MUC4: variants seen among roughly 807,000 people sequenced by gnomAD.
MUC4 encodes the protein mucin 4, cell surface associated, also known as mucin-4.
In MUC4, 202 loss-of-function variants were observed where a neutral mutation model predicts 257.9. The ratio of observed to expected loss-of-function variants is 0.78; its 90% CI spans 0.70 to 0.88. The LOEUF (loss-of-function observed/expected upper bound fraction) is 0.88, where lower values mean the gene tolerates loss of function less well. Among genes scored for constraint, MUC4 ranks in the 40% least tolerant of loss-of-function variants. The pLI, the probability that MUC4 is intolerant of heterozygous loss-of-function variation, is 0.00. For missense variants in MUC4, 5,976 were observed against 6,513.7 expected, an observed-to-expected ratio of 0.92 and a Z score of 2.84; for synonymous variants, 2,351 against 2,757.1, an observed-to-expected ratio of 0.85 and a Z score of 4.62.
Position 195,788,719 on chromosome 3 carries a change from G to T in MUC4, c.2861C>A (p.Thr954Asn), listed in dbSNP as rs376491086. 3.1e-6 allele frequency: 5 copies of T among 1,611,428 alleles called. No individual in the cohort carries two copies. The highest frequency in any genetic ancestry group is 3.3e-4 in the Middle Eastern group (2 of 6,074). The change falls in exon 2 of 25, where the codon ACC becomes AAC. Residue 954 changes from threonine to asparagine, a missense_variant. Thr to Asn is a moderately conservative substitution (Grantham distance 65). Around this residue, in one of 44 missense-constraint regions of MUC4, gnomAD observed 1,583 missense variants for 1,257.4 expected, o/e 1.26. Transcript: ENST00000463781. ...AGACCCTGAAGGTGACAGAGTGTGG[G>T]TCTCGGTTTGTGGAGATGTAAGCCC... ...STGLTSPQTE[T>N]HTLSPSGSGK... is the part of the protein sequence containing the mutation.
chr3:195,801,187 A>G (rs2149067095), intron 1 of MUC4, among the ~76,000 whole-genome samples: 1 of 152,340 alleles, frequency 6.6e-6, no homozygotes, highest in East Asian at 1.9e-4. Context: ...GGCTCTCACC[A>G]GGATGCAAGT....
At position 195,756,808 on chromosome 3, in the gene MUC4, G is replaced by A. The variant is rs542007635; in HGVS notation, c.15168+339C>T. On this transcript the variant is annotated intron_variant, in intron 18 of 24. Coordinates refer to ENST00000463781, the MANE Select transcript of MUC4 (RefSeq NM_018406.7). ...CTCCCGAGTAGCTGGGACTACAGGC[G>A]CCTGCCACCACGCCCAGCTAATTTT... 3.9e-5 allele frequency among the ~76,000 whole-genome samples: 6 copies of A among 152,028 alleles called. No homozygotes were observed. In the South Asian group the frequency reaches 1.2e-3, roughly 32 times the overall value.
Position 195,751,074 on chromosome 3 carries a change from T to A in MUC4, c.15686A>T (p.His5229Leu). 1 of 1,606,472 alleles carries A rather than the reference T, an allele frequency of 6.2e-7. No homozygotes were observed. The highest frequency in any genetic ancestry group is 8.5e-7 in the Non-Finnish European group (1 of 1,178,348). ...CTGGAACTCCGAGATGACCATCCAGTGTTGGATGGGGCTTCCCGAGGCCGG... is the reference window on the plus strand; with the variant it reads ...CTGGAACTCCGAGATGACCATCCAGAGTTGGATGGGGCTTCCCGAGGCCGG... Reference protein sequence around the residue: ...AAPASGSPIQHWMVISEFQYR... With the variant: ...AAPASGSPIQLWMVISEFQYR... The change falls in exon 23 of 25, where the codon CAC (histidine) becomes CTC (leucine). Residue 5229 changes from histidine to leucine, a missense_variant. Physicochemically the swap from His to Leu is moderately conservative, Grantham distance 99 (BLOSUM62 -3). Around this residue, in one of 44 missense-constraint regions of MUC4, gnomAD observed 996 missense variants for 1,137.3 expected, o/e 0.88. Transcript: ENST00000463781.
chr3:195,791,570 G>T, intron 1 of MUC4, 73 bp from the exon 2 acceptor site: 1 of 933,174 alleles, frequency 1.1e-6, no homozygotes, highest in Non-Finnish European at 1.7e-6. Context: ...GCTACAAATA[G>T]AATAAAATAC....
intron 1 of MUC4, among the ~76,000 whole-genome samples, chr3:195,796,925 T>C (rs1734646130): frequency 6.6e-6 from 1 of 151,964 alleles, no homozygotes; most frequent in African/African-American, 2.4e-5. Flanking sequence ...CATGGAAGCA[T>C]CGTAAATAAA....
At chr3:195,775,278 A>T (rs1350364419) in intron 3 of MUC4, among the ~76,000 whole-genome samples, 1 of 151,580 alleles carries the variant, frequency 6.6e-6, no homozygotes, top group Non-Finnish European at 1.5e-5. Flanking sequence ...TGCCGGCCGC[A>T]CTTTTTGCTA....
Position 195,751,318 on chromosome 3 carries a change from G to A in MUC4, c.15583-47C>T, listed in dbSNP as rs765787645. ...GGGGGTGGGGGTGAGGCCCCATCCGGGGGGGAGACGCCCTCCCACCTTGAT... is the reference window on the plus strand; with the variant it reads ...GGGGGTGGGGGTGAGGCCCCATCCGAGGGGGAGACGCCCTCCCACCTTGAT... On this transcript the variant is annotated intron_variant, in intron 21 of 24. Coordinates refer to ENST00000463781, the MANE Select transcript of MUC4 (RefSeq NM_018406.7). 5 of 1,410,438 alleles carry A rather than the reference G, an allele frequency of 3.5e-6. No homozygotes were observed. In the East Asian group the frequency reaches 7.1e-5, roughly 20 times the overall value. 87.4% of individuals were successfully genotyped at this position (1,410,438 alleles called of 1,614,324 possible).
At position 195,757,688 on chromosome 3, in the gene MUC4, C is replaced by T. The variant is rs1447824053; in HGVS notation, c.14987-360G>A. 6.6e-6 allele frequency among the ~76,000 whole-genome samples: 1 copy of T among 152,160 alleles called. No homozygotes were observed. The highest frequency in any genetic ancestry group is 2.4e-5 in the African/African-American group (1 of 41,440). On this transcript the variant is annotated intron_variant, in intron 17 of 24. Coordinates refer to ENST00000463781, the MANE Select transcript of MUC4 (RefSeq NM_018406.7). This position sits in a 1 kb window ranked among gnomAD's most constrained non-coding sequence, Gnocchi z 4.8. Reference sequence around the variant, plus strand: ...CCTCCAGACACCTCCCCAGGCTGCGCTGCCGGCCAAACTGGCTTCACTCTC... The same window carrying T: ...CCTCCAGACACCTCCCCAGGCTGCGTTGCCGGCCAAACTGGCTTCACTCTC...
In MUC4 at chr3:195,791,101, T is replaced by G. The variant is rs776966414; in HGVS notation, c.479A>C (p.Glu160Ala). 1.2e-6 allele frequency: 2 copies of G among 1,613,518 alleles called. No homozygotes were observed. Among genetic ancestry groups the G allele is most frequent in the African/African-American group, 2.7e-5 (2 of 74,782 alleles). ...TGCTGAGGTCACTGGGGTAGAACTT[T>G]CAGTTCCTGCTGTTGATGTCTCTTC... ...NTEETSTAGT[E>A]SSTPVTSAVS... Residue 160 changes from glutamate to alanine, a missense_variant, in exon 2 of 25, where the codon GAA (glutamate) becomes GCA (alanine). Physicochemically the swap from Glu to Ala is moderately radical, Grantham distance 107 (BLOSUM62 -1). This residue lies in a region of MUC4 where 1,583 missense variants were observed against 1,257.4 expected (regional missense o/e 1.26). Transcript: ENST00000463781.
chr3:195,747,350 C>T lies in MUC4; in HGVS notation c.16065G>A (p.Trp5355Ter). ...TGCTCAGGTGCTCACAGTGCTCGCC[C>T]CAGGCCGTGTAGATGGAGAAGGACA... ...SCVSFSIYTAWGEHCEHLSMK... is the reference protein window; with the variant it reads ...SCVSFSIYTA Residue 5355 changes from tryptophan to a stop codon, truncating the protein, a stop_gained, in exon 25 of 25, where the codon TGG becomes TGA. Transcript: ENST00000463781. LOFTEE classifies it low-confidence loss of function (END_TRUNC). The T allele has an allele frequency of 3.1e-6, 5 of 1,614,036 alleles. No homozygotes were observed. The highest frequency in any genetic ancestry group is 4.2e-6 in the Non-Finnish European group (5 of 1,179,886).
chr3:195,788,736 T>G lies in MUC4; in HGVS notation c.2844A>C (p.Thr948=), dbSNP rs762060331. The change falls in exon 2 of 25, where the codon ACA becomes ACC. Residue 948 remains threonine (T), a synonymous_variant. Transcript: ENST00000463781. ...TPPSITSTGL[T]SPQTETHTLS... ...GAGTGTGGGTCTCGGTTTGTGGAGA[T>G]GTAAGCCCAGTGGATGTGATCGATG... is the stretch of plus-strand genomic sequence containing the variant. The G allele has an allele frequency of 4.4e-6, 7 of 1,608,642 alleles. No individual in the cohort carries two copies. The highest frequency in any genetic ancestry group is 1.7e-5 in the Admixed American group (1 of 59,486).
chr3:195,762,380 C>G, intron 13 of MUC4, 126 bp from the exon 14 acceptor site: 1 of 1,075,912 alleles, frequency 9.3e-7, no homozygotes, highest in South Asian at 1.6e-5. Flanking sequence ...GGGGTCTGCA[C>G]TGGAGGCGGA....
chr3:195,779,569 G>A lies in MUC4; in HGVS notation c.12011C>T (p.Thr4004Ile). 2 of 1,429,454 alleles carry A rather than the reference G, an allele frequency of 1.4e-6. No homozygotes were observed. The highest frequency in any genetic ancestry group is 1.9e-6 in the Non-Finnish European group (2 of 1,068,366). The allele number at this position is 1,429,454 out of a possible 1,614,324, so 88.5% of individuals were successfully genotyped here. Residue 4004 changes from threonine to isoleucine, a missense_variant, in exon 2 of 25, where the codon ACC becomes ATC. By Grantham distance (89) the Thr-to-Ile change is moderately conservative (BLOSUM62 -1). This residue lies in a region of MUC4 where 293 missense variants were observed against 294.5 expected (regional missense o/e 1.00). Transcript: ENST00000463781. ...STGHATPLPV[T>I]STSSVSTGHA... ...ACCTGTAGATACTGAGGAAGTGCTG[G>A]TGACAGGAAGAGGGGTGGCGTGACC...
At chr3:195,758,231 C>A (rs1369095051) in intron 17 of MUC4, among the ~76,000 whole-genome samples, 1 of 152,094 alleles carries the variant, frequency 6.6e-6, no homozygotes, top group African/African-American at 2.4e-5. Flanking sequence ...GTGCTTGGAG[C>A]CTTTGGCCCT....
Position 195,782,100 on chromosome 3 carries a change from T to A in MUC4, c.9480A>T (p.Ser3160=), listed in dbSNP as rs1439179865. 7.3e-7 allele frequency: 1 copy of A among 1,369,108 alleles called. No individual in the cohort carries two copies. Among genetic ancestry groups the A allele is most frequent in the African/African-American group, 1.5e-5 (1 of 67,742 alleles). 84.8% of individuals were successfully genotyped at this position (1,369,108 alleles called of 1,614,324 possible). Residue 3160 remains serine (S), a synonymous_variant, in exon 2 of 25, where the codon TCA becomes TCT. Transcript: ENST00000463781. The part of the protein sequence containing the change: ...TTPLPVTDTS[S]ASTGQATPLP... ...GAGGGGTGGCCTGACCTGTGGATGC[T>A]GAGGAAGTGTCGGTGACAGGAAGAG...
chr3:195,754,846 T>C (rs916552719), intron 18 of MUC4, among the ~76,000 whole-genome samples: 4 of 151,934 alleles, frequency 2.6e-5, no homozygotes, highest in African/African-American at 7.3e-5. Context: ...ATGTATCATG[T>C]ATGTATCCAT....
At position 195,782,315 on chromosome 3, in the gene MUC4, GA is replaced by G; in HGVS notation, c.9264del (p.Leu3089PhefsTer1170). ...TSSASTGHAT[P>X]LPVTSLSSVS... Reference sequence around the variant, plus strand: ...ACTGAGGAAAGGCTGGTGACAGGAAGAGGGGTGGCGTGACCTGTGGATGCTG... The same window carrying G: ...ACTGAGGAAAGGCTGGTGACAGGAAGGGGGTGGCGTGACCTGTGGATGCTG... On this transcript the variant is annotated frameshift_variant, in exon 2 of 25. Coordinates refer to ENST00000463781, the MANE Select transcript of MUC4 (RefSeq NM_018406.7). LOFTEE classifies it high-confidence loss of function. The G allele has an allele frequency of 6.5e-7, 1 of 1,542,660 alleles. No individual in the cohort carries two copies. The highest frequency in any genetic ancestry group is 8.7e-7 in the Non-Finnish European group (1 of 1,143,160).
In MUC4 at chr3:195,780,615, G is replaced by C. The variant is rs1397778856; in HGVS notation, c.10965C>G (p.Ser3655=). The change falls in exon 2 of 25, where the codon TCC becomes TCG. Residue 3655 remains serine (S), a synonymous_variant. Transcript: ENST00000463781. The part of the protein sequence containing the change: ...DTTPLLVTDA[S]SVSTGHATPL... Reference sequence around the variant, plus strand: ...GGGTGGCGTGACCTGTGGATACTGAGGAAGCGTCGGTGACAAGAAGAGGGG... The same window carrying C: ...GGGTGGCGTGACCTGTGGATACTGACGAAGCGTCGGTGACAAGAAGAGGGG... The C allele has an allele frequency of 6.8e-7, 1 of 1,466,938 alleles. No individual in the cohort carries two copies. Among genetic ancestry groups the C allele is most frequent in the Admixed American group, 2.2e-5 (1 of 45,550 alleles). 90.9% of individuals were successfully genotyped at this position (1,466,938 alleles called of 1,614,324 possible).
intron 16 of MUC4, among the ~76,000 whole-genome samples, 174 bp from the exon 17 acceptor site, chr3:195,759,435 T>C (rs1396273042): frequency 2.0e-5 from 3 of 152,184 alleles, no homozygotes; most frequent in African/African-American, 7.2e-5. Context: ...AGGCTGGGAC[T>C]GTACTGCCCA....
Sources: allele counts gnomAD v4.1 joint callset (sites outside exome capture counted in the v4.1 genomes callset), GRCh38; gene constraint gnomAD v4.1.1; regional missense constraint gnomAD v4.1.1; non-coding constraint Gnocchi (gnomAD v3.1); transcripts MANE v1.5; gene names NCBI Gene and HGNC (gene_info 2026-07-23, HGNC 2026-07-21).